MROH2A: variants seen among roughly 807,000 people sequenced by gnomAD.
The protein encoded by MROH2A is maestro heat-like repeat-containing protein family member 2A.
In MROH2A, 174 loss-of-function variants were observed where a neutral mutation model predicts 200.4. That is an observed-to-expected ratio of 0.87 (90% CI 0.77 to 0.98). The LOEUF (loss-of-function observed/expected upper bound fraction) is 0.98, where lower values mean the gene tolerates loss of function less well. MROH2A is among the 50% of genes least tolerant of loss of function. The pLI, the probability that MROH2A is intolerant of heterozygous loss-of-function variation, is 0.00. For missense variants in MROH2A, 2,045 were observed against 2,139.6 expected, an observed-to-expected ratio of 0.96 and a Z score of 0.87; for synonymous variants, 829 against 840.4, an observed-to-expected ratio of 0.99 and a Z score of 0.23.
chr2:233,786,744 A>G (rs1701228041), intron 3 of MROH2A, among the ~76,000 whole-genome samples: 1 of 152,200 alleles, frequency 6.6e-6, no homozygotes, highest in South Asian at 2.1e-4. Flanking sequence ...CATGATTAAC[A>G]CACAGGTCTT....
At chr2:233,780,676 C>T (rs963724982) in intron 3 of MROH2A, among the ~76,000 whole-genome samples, 5 of 151,996 alleles carry the variant, frequency 3.3e-5, no homozygotes, top group Admixed American at 6.6e-5. Context: ...GTGTAATGAC[C>T]GAATCAGGGT....
At position 233,809,650 on chromosome 2, in the gene MROH2A, A is replaced by G. The variant is rs1575972992; in HGVS notation, c.2448+372A>G. Among the ~76,000 whole-genome samples, 3 of 152,192 alleles carry G rather than the reference A, an allele frequency of 2.0e-5. No homozygotes were observed. The South Asian group carries it at 6.2e-4, about 32-fold the overall frequency. On this transcript the variant is annotated intron_variant, in intron 22 of 41. Transcript: ENST00000389758. ...GTGGGGTTGTCTTCATAGACATGCAAAGGAACTGGCTATTTTCTTGGAATG... is the reference window on the plus strand; with the variant it reads ...GTGGGGTTGTCTTCATAGACATGCAGAGGAACTGGCTATTTTCTTGGAATG...
intron 19 of MROH2A, 76 bp downstream of exon 19, chr2:233,805,187 G>A (rs1252753545): frequency 1.1e-5 from 10 of 949,086 alleles, no homozygotes; most frequent in South Asian, 4.5e-5. Flanking sequence ...GGATAACACC[G>A]TGTGTGTGAG....
intron 24 of MROH2A, among the ~76,000 whole-genome samples, chr2:233,812,592 A>G (rs965917265): frequency 1.3e-5 from 2 of 152,218 alleles, no homozygotes; most frequent in Non-Finnish European, 2.9e-5. Flanking sequence ...AACTAAGCAC[A>G]ATGATATGCT....
rs1291506033 is a variant in MROH2A at position 233,819,437 on chromosome 2, C to T, written c.3325C>T (p.Leu1109Phe). ...KASVTWIAFFLQMRAKELEDK... is the reference protein window; with the variant it reads ...KASVTWIAFFFQMRAKELEDK... ...CTCTGTCACCTGGATAGCCTTCTTCCTCCAGATGCGGGCCAAGGAGCTGGA... is the reference window on the plus strand; with the variant it reads ...CTCTGTCACCTGGATAGCCTTCTTCTTCCAGATGCGGGCCAAGGAGCTGGA... Residue 1109 changes from leucine to phenylalanine, a missense_variant, in exon 30 of 42, where the codon CTC becomes TTC. Physicochemically the swap from Leu to Phe is conservative, Grantham distance 22. Around this residue, in one of 3 missense-constraint regions of MROH2A, gnomAD observed 1,201 missense variants for 1,311.3 expected, o/e 0.92. Transcript: ENST00000389758. 1 of 1,550,426 alleles carries T rather than the reference C, an allele frequency of 6.4e-7. No homozygotes were observed. Among genetic ancestry groups the T allele is most frequent in the Non-Finnish European group, 8.7e-7 (1 of 1,146,994 alleles).
intron 21 of MROH2A, among the ~76,000 whole-genome samples, chr2:233,808,874 A>G (rs1702974557): frequency 2.6e-5 from 4 of 152,214 alleles, no homozygotes; most frequent in African/African-American, 4.8e-5. Flanking sequence ...CTGGGCGTCT[A>G]TAGCCCTAGT....
chr2:233,810,985 T>C, intron 23 of MROH2A, 69 bp downstream of exon 23: 4 of 1,519,970 alleles, frequency 2.6e-6, no homozygotes, highest in Non-Finnish European at 3.5e-6. Flanking sequence ...CGGTGAGAGG[T>C]TTTCAAAGTT....
At chr2:233,818,450 G>A (rs984720203) in intron 28 of MROH2A, among the ~76,000 whole-genome samples, 1 of 152,146 alleles carries the variant, frequency 6.6e-6, no homozygotes. Flanking sequence ...GGGAGAGCAG[G>A]CCTCTGAGCT....
chr2:233,804,880 A>T, intron 18 of MROH2A, 124 bp from the exon 19 acceptor site: 1 of 611,650 alleles, frequency 1.6e-6, no homozygotes, highest in Non-Finnish European at 2.9e-6. Context: ...TGATCTGGAG[A>T]TGTGGGCAAG....
At chr2:233,826,719 A>G (rs1257139717) in intron 35 of MROH2A, among the ~76,000 whole-genome samples, 2 of 152,226 alleles carry the variant, frequency 1.3e-5, no homozygotes, top group Non-Finnish European at 1.5e-5. Flanking sequence ...AAAATTGACA[A>G]TTGGGATCTA....
intron 33 of MROH2A, 37 bp downstream of exon 33, chr2:233,822,593 T>A: frequency 1.3e-6 from 2 of 1,535,446 alleles, no homozygotes; most frequent in Non-Finnish European, 1.8e-6. Flanking sequence ...GCAGCAGGCC[T>A]GGGCTGGCTG....
intron 38 of MROH2A, among the ~76,000 whole-genome samples, 153 bp from the exon 39 acceptor site, chr2:233,831,256 G>C (rs1472592845): frequency 6.6e-6 from 1 of 152,260 alleles, no homozygotes; most frequent in East Asian, 1.9e-4. Flanking sequence ...AGGGGCCCAG[G>C]TCCCAGGTGG....
intron 3 of MROH2A, among the ~76,000 whole-genome samples, chr2:233,786,950 T>C (rs1007038196): frequency 6.6e-6 from 1 of 152,218 alleles, no homozygotes; most frequent in African/African-American, 2.4e-5. Context: ...TCATTTTCAT[T>C]CCTATGTAGG....
intron 11 of MROH2A, among the ~76,000 whole-genome samples, chr2:233,797,258 G>A (rs1385478504): frequency 1.3e-5 from 2 of 152,178 alleles, no homozygotes; most frequent in Non-Finnish European, 2.9e-5. Context: ...GATTTTGGGT[G>A]CTCAATTGGA....
At chr2:233,782,042 G>T (rs1378907959) in intron 3 of MROH2A, among the ~76,000 whole-genome samples, 2 of 152,136 alleles carry the variant, frequency 1.3e-5, no homozygotes, top group East Asian at 1.9e-4. Context: ...TAAATGCATG[G>T]ATTGACATCT....
chr2:233,803,876 C>T (rs1217060976), intron 16 of MROH2A, among the ~76,000 whole-genome samples, 175 bp from the exon 17 acceptor site: 1 of 152,118 alleles, frequency 6.6e-6, no homozygotes, highest in East Asian at 1.9e-4. Flanking sequence ...CAGGTCTAGC[C>T]CCCATCCCCC....
At position 233,828,518 on chromosome 2, in the gene MROH2A, C is replaced by A; in HGVS notation, c.4114-112C>A. ...GGAAACGGAGGCTCTCAGAGCCCCT[C>A]CCCTCCTGTCCACAGAGCCACCAAT... is the stretch of plus-strand genomic sequence containing the variant. On this transcript the variant is annotated intron_variant, in intron 35 of 41. Coordinates refer to ENST00000389758, the MANE Select transcript of MROH2A (RefSeq NM_001394639.1). This position sits in a 1 kb window ranked among gnomAD's most constrained non-coding sequence, Gnocchi z 4.6. 7.5e-7 allele frequency: 1 copy of A among 1,333,032 alleles called. No homozygotes were observed. The allele number at this position is 1,333,032 out of a possible 1,614,324, so 82.6% of individuals were successfully genotyped here. A position where few individuals can be genotyped will look rare whatever the true frequency, so the allele number is the denominator to read the frequency against.
At chr2:233,822,806 C>T in intron 33 of MROH2A, 75 bp from the exon 34 acceptor site, 1 of 1,519,838 alleles carries the variant, frequency 6.6e-7, no homozygotes, top group South Asian at 1.2e-5. Context: ...GGCCCCACTT[C>T]ACAGATTGCA....
At chr2:233,785,255 G>A (rs1701145097) in intron 3 of MROH2A, among the ~76,000 whole-genome samples, 1 of 152,086 alleles carries the variant, frequency 6.6e-6, no homozygotes, top group Non-Finnish European at 1.5e-5. Context: ...GGTGGCTCAT[G>A]CCAGGAGTGC....
Sources: gnomAD v4.1 joint callset for allele counts (sites outside exome capture counted in the v4.1 genomes callset) on GRCh38, gnomAD v4.1.1 for gene constraint, gnomAD v4.1.1 regional missense constraint, Gnocchi (gnomAD v3.1) non-coding constraint, MANE v1.5 for transcripts, NCBI Gene and HGNC (gene_info 2026-07-23, HGNC 2026-07-21) for gene names.